The following NAALADL2 variants were observed in gnomAD, a reference collection of about 807,000 sequenced individuals.
NAALADL2 encodes N-acetylated alpha-linked acidic dipeptidase like 2.
Under a neutral mutation model 87.2 loss-of-function variants are expected in NAALADL2, and 76 were observed. The ratio of observed to expected loss-of-function variants is 0.87; its 90% CI spans 0.72 to 1.05. NAALADL2 has a LOEUF of 1.05. NAALADL2 is among the 50% of genes least tolerant of loss of function. The pLI, the probability that NAALADL2 is intolerant of heterozygous loss-of-function variation, is 0.00. For missense variants in NAALADL2, 1,089 were observed against 945.8 expected (o/e 1.15, Z -1.99); for synonymous variants, 354 against 331.0 (o/e 1.07, Z -0.75).
intron 2 of NAALADL2, among the ~76,000 whole-genome samples, chr3:175,161,540 G>A (rs9985272): frequency 0.11 from 17,262 of 152,042 alleles, 1,129 homozygotes; most frequent in African/African-American, 0.16. Context: ...AGTCAGGGCA[G>A]AGGATCCAGG....
intron 3 of NAALADL2, among the ~76,000 whole-genome samples, chr3:175,252,408 A>G (rs1282698830): frequency 6.6e-6 from 1 of 152,180 alleles, no homozygotes; most frequent in Non-Finnish European, 1.5e-5. Context: ...AAATGCACCC[A>G]TATAAGACAG....
At chr3:175,374,534 G>A (rs1427192304) in intron 5 of NAALADL2, among the ~76,000 whole-genome samples, 1 of 116,350 alleles carries the variant, frequency 8.6e-6, no homozygotes, top group Non-Finnish European at 1.7e-5. Context: ...ACAGAGTGCT[G>A]AGTACCACTG....
At chr3:175,016,640 T>G (rs1225143064) in intron 1 of NAALADL2, among the ~76,000 whole-genome samples, 3 of 151,848 alleles carry the variant, frequency 2.0e-5, no homozygotes, top group Admixed American at 2.0e-4. Context: ...AAGTAGAATT[T>G]TTAGTATTAT....
At chr3:174,790,537 A>C (rs1224337787) in intron 3 of NAALADL2, among the ~76,000 whole-genome samples, 1 of 151,878 alleles carries the variant, frequency 6.6e-6, no homozygotes, top group Non-Finnish European at 1.5e-5. Flanking sequence ...AATCCCAGCT[A>C]CTCACAAGGC....
chr3:175,054,376 A>C (rs1711653859), intron 1 of NAALADL2, among the ~76,000 whole-genome samples: 1 of 152,218 alleles, frequency 6.6e-6, no homozygotes, highest in Non-Finnish European at 1.5e-5. Flanking sequence ...TATGACTATT[A>C]AGGGCCAATT....
At chr3:174,624,048 A>G (rs1578351249) in intron 2 of NAALADL2, among the ~76,000 whole-genome samples, 1 of 152,252 alleles carries the variant, frequency 6.6e-6, no homozygotes, top group African/African-American at 2.4e-5. Context: ...AATATTATTC[A>G]GAAAACACTT....
chr3:174,897,406 TAA>T (rs796494534), intron 1 of NAALADL2, among the ~76,000 whole-genome samples: 16 of 139,924 alleles, frequency 1.1e-4, no homozygotes, highest in African/African-American at 3.1e-4. Flanking sequence ...GGCAAACTGG[TAA>T]AAAAAAAAAA....
upstream of NAALADL2, among the ~76,000 whole-genome samples, chr3:174,858,728 G>A (rs1726128101): frequency 6.6e-6 from 1 of 151,748 alleles, no homozygotes; most frequent in South Asian, 2.1e-4. Flanking sequence ...TTTGTTTATT[G>A]TCCATTATTC....
At position 175,170,071 on chromosome 3, in the gene NAALADL2, TTGCTCTGTTTTTATTAAGTAACTGACA is replaced by T. The variant is rs1381768274; in HGVS notation, c.546-63856_546-63830del. Among the ~76,000 whole-genome samples, 3 of 151,980 alleles carry T rather than the reference TTGCTCTGTTTTTATTAAGTAACTGACA, an allele frequency of 2.0e-5. No individual in the cohort carries two copies. In the East Asian group the frequency reaches 5.8e-4, roughly 29 times the overall value. ...AACTCCATTTAGATTTCATATGGTA[TTGCTCTGTTTTTATTAAGTAACTGACA>T]TGCAATTTCTGTTATATAAAGTGCT... is the stretch of plus-strand genomic sequence containing the variant. On this transcript the variant is annotated intron_variant, in intron 2 of 13. Coordinates refer to ENST00000454872, the MANE Select transcript of NAALADL2 (RefSeq NM_207015.3).
chr3:174,441,325 C>A (rs888796800), intron 1 of NAALADL2, among the ~76,000 whole-genome samples: 1 of 152,178 alleles, frequency 6.6e-6, no homozygotes, highest in Non-Finnish European at 1.5e-5. Flanking sequence ...AGCTCCCAAC[C>A]CGCTCCAAGG....
intron 3 of NAALADL2, among the ~76,000 whole-genome samples, chr3:175,238,355 A>C (rs1416617714): frequency 6.6e-6 from 1 of 152,136 alleles, no homozygotes; most frequent in Non-Finnish European, 1.5e-5. Context: ...GTAGAAATAT[A>C]CTCCATGTTT....
intron 5 of NAALADL2, among the ~76,000 whole-genome samples, chr3:175,430,395 C>T (rs1717556457): frequency 6.6e-6 from 1 of 151,882 alleles, no homozygotes; most frequent in South Asian, 2.1e-4. Flanking sequence ...TTCTCTATGG[C>T]ATTATTTTGA....
intron 3 of NAALADL2, among the ~76,000 whole-genome samples, chr3:174,834,562 A>G (rs1025305846): frequency 3.3e-5 from 5 of 152,026 alleles, no homozygotes; most frequent in Non-Finnish European, 7.4e-5. Context: ...AAATAAATAT[A>G]CAAAAAGCTA....
chr3:175,365,273 TTTG>T (rs1418215613), intron 5 of NAALADL2, among the ~76,000 whole-genome samples: 4 of 147,480 alleles, frequency 2.7e-5, no homozygotes, highest in Non-Finnish European at 6.0e-5. Context: ...ACAGCAATAA[TTTG>T]TTTTTACATA....
At chr3:174,574,784 G>A (rs1715344192) in intron 2 of NAALADL2, among the ~76,000 whole-genome samples, 1 of 152,004 alleles carries the variant, frequency 6.6e-6, no homozygotes, top group Non-Finnish European at 1.5e-5. Context: ...CAGACATTAT[G>A]TACTGATTGG....
chr3:175,736,882 T>TA (rs1264118183), intron 11 of NAALADL2, among the ~76,000 whole-genome samples: 1 of 151,958 alleles, frequency 6.6e-6, no homozygotes, highest in Non-Finnish European at 1.5e-5. Flanking sequence ...TCAAATAAAA[T>TA]AAATTGATCA....
chr3:175,695,115 T>C (rs1022021489), intron 11 of NAALADL2, among the ~76,000 whole-genome samples: 6 of 151,778 alleles, frequency 4.0e-5, no homozygotes, highest in Admixed American at 3.9e-4. Flanking sequence ...ATTTTTTAAA[T>C]AAAATGCATC....
chr3:175,702,747 C>T (rs1182078493), intron 11 of NAALADL2, among the ~76,000 whole-genome samples: 3 of 152,118 alleles, frequency 2.0e-5, no homozygotes, highest in African/African-American at 7.2e-5. Context: ...GGAACATCTT[C>T]ATTTCTGTCT....
intron 13 of NAALADL2, among the ~76,000 whole-genome samples, chr3:175,783,021 T>C (rs1417522059): frequency 1.3e-5 from 2 of 149,020 alleles, no homozygotes; most frequent in African/African-American, 2.5e-5. Flanking sequence ...GTTGTAGATA[T>C]GCAGCATTAT....
Sources: allele counts gnomAD v4.1 joint callset (sites outside exome capture counted in the v4.1 genomes callset), GRCh38; gene constraint gnomAD v4.1.1; transcripts MANE v1.5; gene names NCBI Gene and HGNC (gene_info 2026-07-23, HGNC 2026-07-21).